BLTP2: variants seen among roughly 807,000 people sequenced by gnomAD.
The protein encoded by BLTP2 is bridge-like lipid transfer protein family member 2.
chr17:28,636,514 T>C, the BLTP2 span, among the ~76,000 whole-genome samples: 1 of 152,324 alleles, frequency 6.6e-6, no homozygotes, highest in South Asian at 2.1e-4. Context: ...GATACGTACT[T>C]ACCTACTTCA....
At chr17:28,633,109 A>G in the BLTP2 span, 1 of 1,589,784 alleles carries the variant, frequency 6.3e-7, no homozygotes, top group Non-Finnish European at 8.6e-7. Context: ...CAGCCACTGC[A>G]GGTCCAGTGT....
chr17:28,634,342 C>G, the BLTP2 span, among the ~76,000 whole-genome samples: 1 of 152,066 alleles, frequency 6.6e-6, no homozygotes, highest in African/African-American at 2.4e-5. Context: ...GTTAGCCAAG[C>G]AATTTCACGG....
chr17:28,635,011 G>A, the BLTP2 span: 10 of 1,613,200 alleles, frequency 6.2e-6, no homozygotes, highest in Non-Finnish European at 8.5e-6. Flanking sequence ...GCTTGGAGAG[G>A]CCCAAGCACG....
chr17:28,628,048 C>T, the BLTP2 span, among the ~76,000 whole-genome samples: 5 of 152,194 alleles, frequency 3.3e-5, no homozygotes, highest in African/African-American at 1.2e-4. Context: ...CAACACTCCC[C>T]TTCTGATTCT....
chr17:28,644,048 C>G, the BLTP2 span: 4 of 1,613,834 alleles, frequency 2.5e-6, no homozygotes, highest in Admixed American at 3.3e-5. Flanking sequence ...CAGAGTTTCC[C>G]AGAACTCACC....
the BLTP2 span, chr17:28,631,345 C>CAG: frequency 5.0e-6 from 4 of 796,686 alleles, no homozygotes; most frequent in Non-Finnish European, 6.1e-6. Context: ...TTGGACTTCC[C>CAG]AGTAGCCAAA....
the BLTP2 span, chr17:28,639,614 T>C: frequency 1.9e-6 from 3 of 1,614,166 alleles, no homozygotes; most frequent in South Asian, 3.3e-5. Context: ...AGACAATGCG[T>C]TGGCGACTCT....
the BLTP2 span, chr17:28,644,079 A>C: frequency 6.2e-7 from 1 of 1,614,252 alleles, no homozygotes; most frequent in East Asian, 2.2e-5. Context: ...GGTGTTGCTG[A>C]AACTTAAGAC....
chr17:28,636,898 AAGAC>A, the BLTP2 span: 4 of 1,297,434 alleles, frequency 3.1e-6, no homozygotes, highest in Non-Finnish European at 4.4e-6. Context: ...AAAAAAAAAA[AAGAC>A]AGAGAAAGGC....
At chr17:28,617,240 C>T in the BLTP2 span, 1 of 1,613,500 alleles carries the variant, frequency 6.2e-7, no homozygotes, top group African/African-American at 1.3e-5. Flanking sequence ...GCCTTATAGA[C>T]AGCATTGGGG....
the BLTP2 span, chr17:28,639,677 A>G: frequency 6.3e-7 from 1 of 1,595,006 alleles, no homozygotes; most frequent in East Asian, 2.2e-5. Context: ...AGAGGAGAGC[A>G]CTGGAAGGGC....
chr17:28,620,467 T>A, the BLTP2 span: 3 of 1,609,406 alleles, frequency 1.9e-6, no homozygotes, highest in Non-Finnish European at 2.5e-6. Context: ...GTCTGGGTGT[T>A]CCTGTGAGGC....
the BLTP2 span, among the ~76,000 whole-genome samples, chr17:28,636,235 CTT>C: frequency 6.6e-6 from 1 of 152,206 alleles, no homozygotes; most frequent in South Asian, 2.1e-4. Flanking sequence ...AAAGGAAACT[CTT>C]CAGTTTCCAA....
At chr17:28,631,690 AAG>A in the BLTP2 span, 1 of 1,614,128 alleles carries the variant, frequency 6.2e-7, no homozygotes, top group Non-Finnish European at 8.5e-7. Flanking sequence ...TGCTGAGAAA[AAG>A]AGGCACACAG....
the BLTP2 span, chr17:28,619,787 G>A: frequency 4.3e-6 from 7 of 1,614,072 alleles, no homozygotes; most frequent in East Asian, 1.6e-4. Context: ...TAGGGAACCA[G>A]GATAGAAACT....
At chr17:28,623,621 T>C in the BLTP2 span, 103 of 684,760 alleles carry the variant, frequency 1.5e-4, 1 homozygote, top group East Asian at 1.1e-3. Flanking sequence ...AGACCAGAGA[T>C]TGCCCACATT....
At chr17:28,642,922 TA>T in the BLTP2 span, 1 of 1,611,742 alleles carries the variant, frequency 6.2e-7, no homozygotes, top group Non-Finnish European at 8.5e-7. Flanking sequence ...GAATATGCCA[TA>T]AGGACTCAGA....
chr17:28,633,537 G>T, the BLTP2 span: 1 of 1,613,168 alleles, frequency 6.2e-7, no homozygotes, highest in South Asian at 1.1e-5. Context: ...AAAGTATCAT[G>T]ACACCCCTCA....
chr17:28,637,812 GTA>G, the BLTP2 span: 1 of 1,606,950 alleles, frequency 6.2e-7, no homozygotes, highest in Non-Finnish European at 8.5e-7. Flanking sequence ...GCACACTTCA[GTA>G]TAGACTCCTT....
Sources: gnomAD v4.1 joint callset for allele counts (sites outside exome capture counted in the v4.1 genomes callset) on GRCh38, gnomAD v4.1.1 for gene constraint, MANE v1.5 for transcripts, NCBI Gene and HGNC (gene_info 2026-07-23, HGNC 2026-07-21) for gene names.